SHC4: variants seen among roughly 807,000 people sequenced by gnomAD.
SHC4 encodes the protein SHC adaptor protein 4, also known as SHC-transforming protein 4.
Under a neutral mutation model 69.4 loss-of-function variants are expected in SHC4, and 41 were observed. The ratio of observed to expected loss-of-function variants is 0.59; its 90% CI spans 0.46 to 0.77. SHC4 has a LOEUF of 0.77. Among genes scored for constraint, SHC4 ranks in the 30% least tolerant of loss-of-function variants. The pLI, the probability that SHC4 is intolerant of heterozygous loss-of-function variation, is 0.00. For missense variants in SHC4, 777 were observed against 783.8 expected, an observed-to-expected ratio of 0.99 and a Z score of 0.10; for synonymous variants, 318 against 299.3, an observed-to-expected ratio of 1.06 and a Z score of -0.64.
intron 2 of SHC4, among the ~76,000 whole-genome samples, chr15:48,909,845 G>A (rs970991956): frequency 6.6e-6 from 1 of 151,986 alleles, no homozygotes; most frequent in African/African-American, 2.4e-5. Context: ...TTATTTGTGT[G>A]GTGTATCACA....
chr15:48,902,993 T>C (rs1158991506), intron 2 of SHC4, among the ~76,000 whole-genome samples: 1 of 152,222 alleles, frequency 6.6e-6, no homozygotes, highest in African/African-American at 2.4e-5. Context: ...CAAGAACCTA[T>C]TTTGTCACAG....
At chr15:48,838,647 G>T (rs575846385) in intron 10 of SHC4, among the ~76,000 whole-genome samples, 1 of 152,204 alleles carries the variant, frequency 6.6e-6, no homozygotes, top group South Asian at 2.1e-4. Flanking sequence ...TGTTACAAAG[G>T]CATAGCAATT....
intron 1 of SHC4, among the ~76,000 whole-genome samples, chr15:48,950,869 G>A (rs1901354890): frequency 1.3e-5 from 2 of 152,108 alleles, no homozygotes; most frequent in South Asian, 4.1e-4. Context: ...GAAGACAAAA[G>A]ACCAAGCCCT....
intron 1 of SHC4, among the ~76,000 whole-genome samples, chr15:48,946,787 T>A (rs372333445): frequency 8.5e-5 from 13 of 152,368 alleles, no homozygotes; most frequent in African/African-American, 2.4e-4. Context: ...TGCAACTTAT[T>A]GCTGCTTGTC....
intron 9 of SHC4, among the ~76,000 whole-genome samples, chr15:48,849,499 C>T (rs1899165390): frequency 6.6e-6 from 1 of 152,182 alleles, no homozygotes; most frequent in Non-Finnish European, 1.5e-5. Context: ...CCAGTTGTGC[C>T]TCTAGCTCTA....
chr15:48,895,512 G>A (rs1254788719), intron 2 of SHC4, among the ~76,000 whole-genome samples: 1 of 152,122 alleles, frequency 6.6e-6, no homozygotes, highest in Non-Finnish European at 1.5e-5. Context: ...AGGACAAAGT[G>A]GTAGGGGCTG....
intron 9 of SHC4, among the ~76,000 whole-genome samples, chr15:48,845,298 A>G (rs754340440): frequency 2.6e-5 from 4 of 152,190 alleles, no homozygotes; most frequent in Non-Finnish European, 4.4e-5. Context: ...AGAAGTCTGC[A>G]GTCTTACCAC....
At chr15:48,851,039 CTA>C in intron 9 of SHC4, 147 bp downstream of exon 9, 1 of 653,966 alleles carries the variant, frequency 1.5e-6, no homozygotes. Flanking sequence ...CATTCTGGGC[CTA>C]TCTGAGAAGC....
intron 2 of SHC4, among the ~76,000 whole-genome samples, chr15:48,920,403 T>C (rs540687778): frequency 6.6e-6 from 1 of 152,098 alleles, no homozygotes; most frequent in Admixed American, 6.6e-5. Context: ...TCATTCTTGA[T>C]AAACCCGAAT....
intron 2 of SHC4, among the ~76,000 whole-genome samples, chr15:48,908,042 A>C (rs1174965288): frequency 6.6e-6 from 1 of 152,136 alleles, no homozygotes; most frequent in African/African-American, 2.4e-5. Context: ...GTAAGTGGCC[A>C]TTCTAAGACC....
At position 48,834,998 on chromosome 15, in the gene SHC4, C is replaced by A; in HGVS notation, c.1508G>T (p.Gly503Val). Residue 503 changes from glycine to valine, a missense_variant, in exon 11 of 12, where the codon GGT (glycine) becomes GTT (valine). By Grantham distance (109) the Gly-to-Val change is moderately radical. Coordinates refer to ENST00000332408, the MANE Select transcript of SHC4 (RefSeq NM_203349.4). ...TGAGCTGGCAGGCTGGGCTGTGGCA[C>A]CCGGCTGAACAGTTTCTGGTGCCTC... ...CGKAPETVQP[G>V]ATAQPASSHS... is the part of the protein sequence containing the mutation. The A allele has an allele frequency of 1.9e-6, 3 of 1,612,138 alleles. No individual in the cohort carries two copies. Among genetic ancestry groups the A allele is most frequent in the Non-Finnish European group, 2.5e-6 (3 of 1,179,178 alleles).
intron 9 of SHC4, among the ~76,000 whole-genome samples, chr15:48,849,798 T>C (rs1489984169): frequency 6.6e-6 from 1 of 152,246 alleles, no homozygotes. Context: ...GCCATTAATT[T>C]AATTTGTTTA....
chr15:48,917,215 G>A (rs1211468055), intron 2 of SHC4, among the ~76,000 whole-genome samples: 1 of 150,260 alleles, frequency 6.7e-6, no homozygotes, highest in Non-Finnish European at 1.5e-5. Flanking sequence ...GAAGGAAGCT[G>A]AGCTTTAAGT....
rs773067812 is a variant in SHC4 at position 48,956,974 on chromosome 15, CTT to C, written c.585+5455_585+5456del. 1.2e-3 allele frequency among the ~76,000 whole-genome samples: 23 copies of C among 19,564 alleles called. 1 individual carries two copies. Among genetic ancestry groups the C allele is most frequent in the Middle Eastern group, 0.028 (1 of 36 alleles). 12.8% of individuals were successfully genotyped at this position (19,564 alleles called of 152,430 possible). ...TTTTTCTTTCTTTCTTTCTTTCTTTCTTTTTTTTTTTTTTTTTTTTTGAGACA... is the reference window on the plus strand; with the variant it reads ...TTTTTCTTTCTTTCTTTCTTTCTTTCTTTTTTTTTTTTTTTTTTTGAGACA... On this transcript the variant is annotated intron_variant, in intron 1 of 11. Coordinates refer to ENST00000332408, the MANE Select transcript of SHC4 (RefSeq NM_203349.4).
At chr15:48,872,426 T>C (rs1899696814) in intron 4 of SHC4, among the ~76,000 whole-genome samples, 1 of 152,168 alleles carries the variant, frequency 6.6e-6, no homozygotes, top group Non-Finnish European at 1.5e-5. Flanking sequence ...AATCAATGTA[T>C]TTTGGGAAGA....
chr15:48,894,944 C>T (rs79321334), intron 2 of SHC4, among the ~76,000 whole-genome samples: 11 of 151,852 alleles, frequency 7.2e-5, no homozygotes, highest in Non-Finnish European at 1.0e-4. Flanking sequence ...TGGCAAAAAC[C>T]GCCACAATTA....
intron 1 of SHC4, among the ~76,000 whole-genome samples, chr15:48,931,325 T>C (rs1209092567): frequency 6.6e-6 from 1 of 152,208 alleles, no homozygotes; most frequent in Non-Finnish European, 1.5e-5. Flanking sequence ...AATTACTGCC[T>C]CATGCTCATG....
intron 1 of SHC4, among the ~76,000 whole-genome samples, chr15:48,939,634 TG>T (rs1261660995): frequency 6.6e-6 from 1 of 152,222 alleles, no homozygotes; most frequent in Non-Finnish European, 1.5e-5. Context: ...CTATGCTGAA[TG>T]TCTGAGGACT....
chr15:48,952,597 C>A (rs2141040163), intron 1 of SHC4, among the ~76,000 whole-genome samples: 1 of 152,124 alleles, frequency 6.6e-6, no homozygotes, highest in East Asian at 1.9e-4. Context: ...GAAAAAAAAC[C>A]CATTGAAAAA....
Sources: gnomAD v4.1 joint callset for allele counts (sites outside exome capture counted in the v4.1 genomes callset) on GRCh38, gnomAD v4.1.1 for gene constraint, MANE v1.5 for transcripts, NCBI Gene and HGNC (gene_info 2026-07-23, HGNC 2026-07-21) for gene names.